TMEM116: variants seen among roughly 807,000 people sequenced by gnomAD.
The protein encoded by TMEM116 is transmembrane protein 116.
Under a neutral mutation model 44.3 loss-of-function variants are expected in TMEM116, and 38 were observed. That is an observed-to-expected ratio of 0.86 (90% CI 0.66 to 1.12). The LOEUF is 1.12. Among genes scored for constraint, TMEM116 ranks in the 50% most tolerant of loss-of-function variants. The probability of loss-of-function intolerance (pLI) is 0.00; values close to 1 mark genes in which losing one functional copy is unlikely to be tolerated. For synonymous variants in TMEM116, 132 were observed against 144.8 expected (o/e 0.91, Z 0.64); for missense variants, 354 against 401.7 (o/e 0.88, Z 1.01).
intron 10 of TMEM116, 53 bp from the exon 11 acceptor site, chr12:111,931,880 A>C (rs2071677053): frequency 7.8e-7 from 1 of 1,280,326 alleles, no homozygotes; most frequent in East Asian, 2.5e-5. Flanking sequence ...TCAGGGATCC[A>C]GGGAATAATT....
At chr12:111,984,960 AT>A (rs754959873) in intron 4 of TMEM116, among the ~76,000 whole-genome samples, 6 of 152,150 alleles carry the variant, frequency 3.9e-5, no homozygotes, top group Admixed American at 6.6e-5. Flanking sequence ...CAAAAACAAA[AT>A]AAAAAAACAT....
At chr12:111,998,498 T>C (rs2077050470) in intron 3 of TMEM116, among the ~76,000 whole-genome samples, 1 of 152,146 alleles carries the variant, frequency 6.6e-6, no homozygotes, top group African/African-American at 2.4e-5. Context: ...TTGTGAGCAA[T>C]AACATTCTGA....
At chr12:111,965,960 C>T (rs985412586) in intron 4 of TMEM116, among the ~76,000 whole-genome samples, 2 of 151,184 alleles carry the variant, frequency 1.3e-5, no homozygotes, top group African/African-American at 4.9e-5. Context: ...TAAACAACAA[C>T]AAAAAATTAA....
intron 4 of TMEM116, among the ~76,000 whole-genome samples, chr12:111,966,658 T>C (rs983608156): frequency 1.3e-5 from 2 of 152,232 alleles, no homozygotes; most frequent in African/African-American, 2.4e-5. Flanking sequence ...CCAGATCTCC[T>C]AACCTGTTGT....
chr12:111,974,067 A>G (rs2075515335), intron 4 of TMEM116, among the ~76,000 whole-genome samples: 1 of 152,162 alleles, frequency 6.6e-6, no homozygotes, highest in Non-Finnish European at 1.5e-5. Context: ...AAAAAAATAA[A>G]AACCAGTGAT....
chr12:111,941,613 T>A lies in TMEM116; in HGVS notation c.315+1652A>T, dbSNP rs368608932. ...ACTGAACTAGACTGTGAATTAAATA[T>A]TTTTATTATTGAAAAAAGTTGAACA... On this transcript the variant is annotated intron_variant, in intron 5 of 10. Coordinates refer to ENST00000552374, the MANE Select transcript of TMEM116 (RefSeq NM_001193531.2). Among the ~76,000 whole-genome samples, 3 of 152,330 alleles carry A rather than the reference T, an allele frequency of 2.0e-5. No homozygotes were observed. In the East Asian group the frequency reaches 5.8e-4, roughly 29 times the overall value.
chr12:111,969,405 TA>T (rs997442723), intron 4 of TMEM116, among the ~76,000 whole-genome samples: 8 of 151,794 alleles, frequency 5.3e-5, no homozygotes, highest in African/African-American at 7.3e-5. Flanking sequence ...TTTGTTTATT[TA>T]TTTTTTTTTT....
At chr12:111,987,863 T>C (rs76559323) in intron 4 of TMEM116, among the ~76,000 whole-genome samples, 2,011 of 152,290 alleles carry the variant, frequency 0.013, 53 homozygotes, top group African/African-American at 0.046. Context: ...TCAAACGTAT[T>C]TGTACATCAA....
At chr12:111,943,134 G>T in intron 5 of TMEM116, 131 bp downstream of exon 5, 1 of 726,578 alleles carries the variant, frequency 1.4e-6, no homozygotes. Flanking sequence ...CACTTGCCCA[G>T]ACTGGCCTCG....
At chr12:111,940,357 GTTTTC>G (rs1183655472) in intron 5 of TMEM116, among the ~76,000 whole-genome samples, 55 of 148,646 alleles carry the variant, frequency 3.7e-4, no homozygotes, top group African/African-American at 1.4e-3. Flanking sequence ...TCCTCTTTGG[GTTTTC>G]TTTTCTTTTT....
At chr12:111,987,994 C>T (rs1384988194) in intron 4 of TMEM116, among the ~76,000 whole-genome samples, 1 of 152,206 alleles carries the variant, frequency 6.6e-6, no homozygotes, top group Non-Finnish European at 1.5e-5. Context: ...ATTACTCAGC[C>T]TTAAAAACGA....
intron 3 of TMEM116, among the ~76,000 whole-genome samples, chr12:111,994,825 G>T (rs1194699317): frequency 1.3e-5 from 2 of 152,140 alleles, no homozygotes; most frequent in Non-Finnish European, 2.9e-5. Context: ...TCAGAAGGGA[G>T]TATGCCTTAA....
In TMEM116 at chr12:111,938,201, A is replaced by G; in HGVS notation, c.325T>C (p.Tyr109His). The stretch of plus-strand genomic sequence containing the variant: ...GCCATTTGACAAACTCGACAAGTAT[A>G]ATCTATCACCTGTGAAAAGAATAAA... ...GQSTSPLVID[Y>H]TCRVCQMAFV... Residue 109 changes from tyrosine (Y) to histidine (H), a missense_variant, in exon 6 of 11, where the codon TAT (tyrosine) becomes CAT (histidine). Transcript: ENST00000552374. The G allele has an allele frequency of 6.3e-7, 1 of 1,590,052 alleles. No homozygotes were observed.
intron 3 of TMEM116, chr12:111,993,639 T>C: frequency 1.8e-6 from 1 of 570,394 alleles, no homozygotes; most frequent in Admixed American, 2.2e-5. Context: ...AAGGGGTTGC[T>C]CCTCTCTGGA....
chr12:111,939,559 A>T (rs1182052330), intron 5 of TMEM116, among the ~76,000 whole-genome samples: 2 of 151,228 alleles, frequency 1.3e-5, no homozygotes, highest in African/African-American at 2.4e-5. Context: ...GCACTTTGGG[A>T]GGCCAAGGCA....
rs943462361 is a variant in TMEM116 at position 111,939,044 on chromosome 12, T to C, written c.316-834A>G. Among the ~76,000 whole-genome samples, 14 of 152,222 alleles carry C rather than the reference T, an allele frequency of 9.2e-5. No individual in the cohort carries two copies. In the South Asian group the frequency reaches 1.5e-3, roughly 16 times the overall value. On this transcript the variant is annotated intron_variant, in intron 5 of 10. Coordinates refer to ENST00000552374, the MANE Select transcript of TMEM116 (RefSeq NM_001193531.2). The stretch of plus-strand genomic sequence containing the variant: ...GACTTTAGGAAAATAAATAAAATTG[T>C]TTTTTGTGACCCCTCCCACTCACTT...
At chr12:111,940,534 TATATATATATAC>T (rs1456906460) in intron 5 of TMEM116, among the ~76,000 whole-genome samples, 4 of 117,406 alleles carry the variant, frequency 3.4e-5, no homozygotes, top group East Asian at 1.6e-3. Context: ...TATATATATA[TATATATATATAC>T]ACACACACAT....
rs539600816 is a variant in TMEM116, at chr12:111,941,374, C to CA, written c.315+1890dup. ...CTGGCGACAGAGCGAGATTCCATCT[C>CA]AAAAAAAAAAAAAAAAGAGTAATTA... is the stretch of plus-strand genomic sequence containing the variant. On this transcript the variant is annotated intron_variant, in intron 5 of 10. Transcript: ENST00000552374. 5.8e-3 allele frequency among the ~76,000 whole-genome samples: 347 copies of CA among 60,022 alleles called. 2 individuals carry two copies. Among genetic ancestry groups the CA allele is most frequent in the South Asian group, 0.016 (30 of 1,928 alleles). 39.4% of individuals were successfully genotyped at this position (60,022 alleles called of 152,430 possible).
At chr12:111,993,769 G>C (rs760699214) in intron 3 of TMEM116, 1 of 713,130 alleles carries the variant, frequency 1.4e-6, no homozygotes, top group Non-Finnish European at 2.7e-6. Context: ...GGAGCTGGTT[G>C]TAACATTTGT....
Sources: allele counts gnomAD v4.1 joint callset (sites outside exome capture counted in the v4.1 genomes callset), GRCh38; gene constraint gnomAD v4.1.1; transcripts MANE v1.5; gene names NCBI Gene and HGNC (gene_info 2026-07-23, HGNC 2026-07-21).